Variants in SLC12A4 observed in about 807,000 individuals in gnomAD.
SLC12A4 encodes the protein electroneutral potassium-chloride cotransporter 1.
In SLC12A4, 84 loss-of-function variants were observed where a neutral mutation model predicts 119.2. The ratio of observed to expected loss-of-function variants is 0.70; its 90% CI spans 0.59 to 0.85. The LOEUF (loss-of-function observed/expected upper bound fraction) is 0.85. Among genes scored for constraint, SLC12A4 ranks in the 40% least tolerant of loss-of-function variants. The pLI, the probability that SLC12A4 is intolerant of heterozygous loss-of-function variation, is 0.00. For synonymous variants in SLC12A4, 599 were observed against 604.6 expected (o/e 0.99, Z 0.14); for missense variants, 1,298 against 1,476.3 (o/e 0.88, Z 1.98).
In SLC12A4 at chr16:67,945,447, G is replaced by A; in HGVS notation, c.2954C>T (p.Thr985Ile). ...GGTCTCAGTCATGTACTTGTCCCTGGTCCACGTCATCTGGATCTTGTCAGC... is the reference window on the plus strand; with the variant it reads ...GGTCTCAGTCATGTACTTGTCCCTGATCCACGTCATCTGGATCTTGTCAGC... Reference protein sequence around the residue: ...VGADKIQMTWTRDKYMTETWD... With the variant: ...VGADKIQMTWIRDKYMTETWD... The change falls in exon 22 of 24, where the codon ACC (threonine) becomes ATC (isoleucine). Residue 985 changes from threonine (T) to isoleucine (I), a missense_variant. Physicochemically the swap from Thr to Ile is moderately conservative, Grantham distance 89 (BLOSUM62 -1). Coordinates refer to ENST00000316341, the MANE Select transcript of SLC12A4 (RefSeq NM_005072.5). 13 of 1,614,108 alleles carry A rather than the reference G, an allele frequency of 8.1e-6. No homozygotes were observed. The highest frequency in any genetic ancestry group is 1.1e-5 in the Non-Finnish European group (13 of 1,180,016).
rs2058354110 is a variant in SLC12A4 at position 67,946,650 on chromosome 16, C to G, written c.2242-17G>C. On this transcript the variant is annotated splice_polypyrimidine_tract_variant and intron_variant, in intron 17 of 23. Transcript: ENST00000316341. ...CTTGATGGTCTGTGGGGAACACACC[C>G]AGGGCCAATGGGAGGCCATCAGCTT... 6.3e-7 allele frequency: 1 copy of G among 1,597,598 alleles called. No homozygotes were observed. The highest frequency in any genetic ancestry group is 1.7e-5 in the Admixed American group (1 of 59,438).
intron 1 of SLC12A4, among the ~76,000 whole-genome samples, chr16:67,965,039 C>A (rs2030801887): frequency 6.6e-6 from 1 of 152,204 alleles, no homozygotes; most frequent in South Asian, 2.1e-4. Flanking sequence ...GCTAAGTGAG[C>A]CAAGCAGCTC....
In SLC12A4 at chr16:67,946,312, G is replaced by T; in HGVS notation, c.2466C>A (p.His822Gln). ...IDTVRCTTAA[H>Q]LALLVPKNIA... The stretch of plus-strand genomic sequence containing the variant: ...TGTTCTTGGGCACGAGCAGGGCCAG[G>T]TGGGCAGCCGTAGTGCAGCGCACGG... Residue 822 changes from histidine to glutamine, a missense_variant, in exon 19 of 24, where the codon CAC becomes CAA. By Grantham distance (24) the His-to-Gln change is conservative (BLOSUM62 0). Coordinates refer to ENST00000316341, the MANE Select transcript of SLC12A4 (RefSeq NM_005072.5). 1 of 1,611,666 alleles carries T rather than the reference G, an allele frequency of 6.2e-7. No homozygotes were observed. The highest frequency in any genetic ancestry group is 8.5e-7 in the Non-Finnish European group (1 of 1,180,030).
Position 67,943,964 on chromosome 16 carries a change from T to C in SLC12A4, c.*876A>G, listed in dbSNP as rs1375356036. 7 of 1,547,276 alleles carry C rather than the reference T, an allele frequency of 4.5e-6. No homozygotes were observed. Among genetic ancestry groups the C allele is most frequent in the Admixed American group, 3.9e-5 (2 of 50,820 alleles). Reference sequence around the variant, plus strand: ...GGGGCTTACCGAGGATGACGGGCCGTGTGTGGTTACTGAGCTCAGCCTTGG... The same window carrying C: ...GGGGCTTACCGAGGATGACGGGCCGCGTGTGGTTACTGAGCTCAGCCTTGG... On this transcript the variant is annotated 3_prime_UTR_variant, in exon 24 of 24. Transcript: ENST00000316341. The surrounding 1 kb of genome is among the most constrained non-coding windows in gnomAD (Gnocchi z 4.6).
In SLC12A4 at chr16:67,947,237, C is replaced by A. The variant is rs1046378600; in HGVS notation, c.2072+94G>T. 1.1e-5 allele frequency: 17 copies of A among 1,499,348 alleles called. No homozygotes were observed. The African/African-American group carries it at 2.4e-4, about 21-fold the overall frequency. 92.9% of individuals were successfully genotyped at this position (1,499,348 alleles called of 1,614,324 possible). ...GGCCCAGGAGGGTGCCCCGGGCAGC[C>A]CCAGGATGGGGAGCCGGCACCTCTC... On this transcript the variant is annotated intron_variant, in intron 16 of 23. Transcript: ENST00000316341.
chr16:67,955,074 C>T (rs1178312566), intron 5 of SLC12A4, among the ~76,000 whole-genome samples: 1 of 152,214 alleles, frequency 6.6e-6, no homozygotes, highest in Non-Finnish European at 1.5e-5. Context: ...GCCCTGTGCA[C>T]AGCCCACAGC....
Position 67,950,774 on chromosome 16 carries a change from G to T in SLC12A4, c.1397-63C>A. 6.4e-7 allele frequency: 1 copy of T among 1,559,116 alleles called. No individual in the cohort carries two copies. Among genetic ancestry groups the T allele is most frequent in the Non-Finnish European group, 8.7e-7 (1 of 1,148,402 alleles). ...CCACTGTCCCTGAATAGTACCACGT[G>T]CCCCCACCCCAGCCAGACTACCAGG... On this transcript the variant is annotated intron_variant, in intron 10 of 23. Transcript: ENST00000316341. This position sits in a 1 kb window ranked among gnomAD's most constrained non-coding sequence, Gnocchi z 4.3.
intron 5 of SLC12A4, among the ~76,000 whole-genome samples, chr16:67,956,821 A>AACACAC (rs903184799): frequency 7.2e-6 from 1 of 139,788 alleles, no homozygotes. Context: ...AATACACACA[A>AACACAC]ACACACACAC....
rs2030889581 is a variant in SLC12A4, at chr16:67,966,829, G to C, written c.115+1610C>G. 2.0e-5 allele frequency: 31 copies of C among 1,548,618 alleles called. No individual in the cohort carries two copies. The South Asian group carries it at 3.7e-4, about 18-fold the overall frequency. On this transcript the variant is annotated intron_variant, in intron 1 of 23. Transcript: ENST00000316341. ...GGAGTAAGAGGAGGAGAAAGAGGAA[G>C]GGAGGCAGTGGGAGGAGCTGGCCTA...
Position 67,944,471 on chromosome 16 carries a change from A to C in SLC12A4, c.*369T>G. On this transcript the variant is annotated 3_prime_UTR_variant, in exon 24 of 24. Transcript: ENST00000316341. This position sits in a 1 kb window ranked among gnomAD's most constrained non-coding sequence, Gnocchi z 6.6. Reference sequence around the variant, plus strand: ...GCTGGGCTGGACTCCCTCCCTGGCTACCCTTCCCTTCGTCTCTGATGGTGA... The same window carrying C: ...GCTGGGCTGGACTCCCTCCCTGGCTCCCCTTCCCTTCGTCTCTGATGGTGA... 8.0e-7 allele frequency: 1 copy of C among 1,246,460 alleles called. No homozygotes were observed. The highest frequency in any genetic ancestry group is 1.0e-6 in the Non-Finnish European group (1 of 992,168). The allele number at this position is 1,246,460 out of a possible 1,614,324, so 77.2% of individuals were successfully genotyped here.
Position 67,943,837 on chromosome 16 carries a change from T to C in SLC12A4, c.*1003A>G, listed in dbSNP as rs2058310341. ...CTCCCCACACCAGGGCAGGTACTTA[T>C]GTCGGGGCTTATGCAGGGCAGAAGG... On this transcript the variant is annotated 3_prime_UTR_variant, in exon 24 of 24. Coordinates refer to ENST00000316341, the MANE Select transcript of SLC12A4 (RefSeq NM_005072.5). This position sits in a 1 kb window ranked among gnomAD's most constrained non-coding sequence, Gnocchi z 4.6. The C allele has an allele frequency of 1.2e-5, 12 of 1,042,748 alleles. No homozygotes were observed. In the Middle Eastern group the frequency reaches 9.5e-4, roughly 83 times the overall value. 64.6% of individuals were successfully genotyped at this position (1,042,748 alleles called of 1,614,324 possible).
rs779943221 is a variant in SLC12A4, at chr16:67,946,611, A to G, written c.2264T>C (p.Ile755Thr). 1.2e-6 allele frequency: 2 copies of G among 1,612,762 alleles called. No homozygotes were observed. The highest frequency in any genetic ancestry group is 2.2e-5 in the East Asian group (1 of 44,848). ...CTGGCAGAAGCCCTTCACCTTCTCA[A>G]TTTCCATCATGTTCTTGATGGTCTG... is the stretch of plus-strand genomic sequence containing the variant. ...AEQTIKNMME[I>T]EKVKGFCQVV... The change falls in exon 18 of 24, where the codon ATT (isoleucine) becomes ACT (threonine). Residue 755 changes from isoleucine to threonine, a missense_variant. By Grantham distance (89) the Ile-to-Thr change is moderately conservative. Coordinates refer to ENST00000316341, the MANE Select transcript of SLC12A4 (RefSeq NM_005072.5).
At position 67,944,436 on chromosome 16, in the gene SLC12A4, C is replaced by T; in HGVS notation, c.*404G>A. 1.6e-6 allele frequency: 2 copies of T among 1,259,784 alleles called. No individual in the cohort carries two copies. The highest frequency in any genetic ancestry group is 6.6e-5 in the East Asian group (2 of 30,522). The allele number at this position is 1,259,784 out of a possible 1,614,324, so 78.0% of individuals were successfully genotyped here. On this transcript the variant is annotated 3_prime_UTR_variant, in exon 24 of 24. Transcript: ENST00000316341. The surrounding 1 kb of genome is among the most constrained non-coding windows in gnomAD (Gnocchi z 6.6). ...CCCATAGTAGACTGAGCCAGATCTT[C>T]CTGCAGGCAGCTGGGCTGGACTCCC... is the stretch of plus-strand genomic sequence containing the variant.
chr16:67,946,469 G>A lies in SLC12A4; in HGVS notation c.2406C>T (p.Ser802=), dbSNP rs775340216. Residue 802 remains serine, a synonymous_variant, in exon 18 of 24, where the codon AGC becomes AGT. Transcript: ENST00000316341. ...AGGTCTTCCAGGCACGGGGGTCCTC[G>A]CTCTGTCGCCAGCCGTAGGGCCAGC... The part of the protein sequence containing the change: ...VLGWPYGWRQ[S]EDPRAWKTFI... The A allele has an allele frequency of 7.5e-6, 12 of 1,606,844 alleles. No individual in the cohort carries two copies. The highest frequency in any genetic ancestry group is 5.0e-5 in the Admixed American group (3 of 60,022).
At chr16:67,946,114 C>T (rs372449096) in intron 19 of SLC12A4, 32 bp from the exon 20 acceptor site, 33 of 1,612,542 alleles carry the variant, frequency 2.0e-5, no homozygotes, top group Non-Finnish European at 2.8e-5. Context: ...GCGGTTTGGT[C>T]ACAGCTGCTC....
intron 17 of SLC12A4, 71 bp downstream of exon 17, chr16:67,946,866 C>A: frequency 6.6e-7 from 1 of 1,520,884 alleles, no homozygotes. Flanking sequence ...AAGACTGGGC[C>A]CTCCCCTCCG....
intron 1 of SLC12A4, among the ~76,000 whole-genome samples, chr16:67,965,136 C>G (rs527370426): frequency 1.3e-5 from 2 of 152,292 alleles, no homozygotes; most frequent in South Asian, 2.1e-4. Flanking sequence ...CATGTTAAAG[C>G]CAGGCGGGGT....
chr16:67,947,770 G>A lies in SLC12A4; in HGVS notation c.1866C>T (p.Gly622=). 1 of 1,598,392 alleles carries A rather than the reference G, an allele frequency of 6.3e-7. No individual in the cohort carries two copies. The highest frequency in any genetic ancestry group is 8.5e-7 in the Non-Finnish European group (1 of 1,172,774). The stretch of plus-strand genomic sequence containing the variant: ...ACATAAGGGCCAGGCAGAGACTCAT[G>A]CCCAGGAAGGACAGCGCCCTGGACG... ...KYYHWALSFL[G]MSLCLALMFV... is the part of the protein sequence containing the mutation. Residue 622 remains glycine (G), a synonymous_variant, in exon 15 of 24, where the codon GGC becomes GGT. Transcript: ENST00000316341.
Position 67,946,499 on chromosome 16 carries a change from C to T in SLC12A4, c.2376G>A (p.Val792=). ...GLGGMRHNSV[V]LGWPYGWRQS... ...GTCGCCAGCCGTAGGGCCAGCCCAG[C>T]ACCACGGAGTTATGCCGCATGCCTC... is the stretch of plus-strand genomic sequence containing the variant. Residue 792 remains valine, a synonymous_variant, in exon 18 of 24, where the codon GTG becomes GTA. Transcript: ENST00000316341. The T allele has an allele frequency of 6.2e-7, 1 of 1,609,256 alleles. No homozygotes were observed. The highest frequency in any genetic ancestry group is 8.5e-7 in the Non-Finnish European group (1 of 1,179,998).
Sources: gnomAD v4.1 joint callset for allele counts (sites outside exome capture counted in the v4.1 genomes callset) on GRCh38, gnomAD v4.1.1 for gene constraint, Gnocchi (gnomAD v3.1) non-coding constraint, MANE v1.5 for transcripts, NCBI Gene and HGNC (gene_info 2026-07-23, HGNC 2026-07-21) for gene names.